GALNTL6: variants seen among roughly 807,000 people sequenced by gnomAD.
The protein encoded by GALNTL6 is polypeptide N-acetylgalactosaminyltransferase-like 6.
Under a neutral mutation model 73.7 loss-of-function variants are expected in GALNTL6, and 46 were observed. The observed-to-expected ratio is 0.62, with a 90% CI of 0.49 to 0.80. GALNTL6 has a LOEUF of 0.80. Among genes scored for constraint, GALNTL6 ranks in the 30% least tolerant of loss-of-function variants. GALNTL6 has a pLI of 0.00. For synonymous variants in GALNTL6, 259 were observed against 263.7 expected (o/e 0.98, Z 0.17); for missense variants, 604 against 755.0 (o/e 0.80, Z 2.34).
chr4:172,645,576 G>A (rs1217918449), intron 5 of GALNTL6, among the ~76,000 whole-genome samples: 1 of 151,400 alleles, frequency 6.6e-6, no homozygotes, highest in Non-Finnish European at 1.5e-5. Flanking sequence ...TTCCCTATAG[G>A]AGCAAAGAAA....
At chr4:172,986,517 T>C (rs547423285) in intron 10 of GALNTL6, among the ~76,000 whole-genome samples, 1 of 152,170 alleles carries the variant, frequency 6.6e-6, no homozygotes. Flanking sequence ...GAGATTTGGG[T>C]CAGGTTGTTA....
chr4:171,997,189 A>T (rs1372079586), intron 2 of GALNTL6, among the ~76,000 whole-genome samples: 1 of 152,116 alleles, frequency 6.6e-6, no homozygotes, highest in African/African-American at 2.4e-5. Context: ...AGAGTTTGCA[A>T]CCTGGTAGAG....
chr4:172,240,559 A>G (rs1243469002), intron 3 of GALNTL6, among the ~76,000 whole-genome samples: 1 of 151,912 alleles, frequency 6.6e-6, no homozygotes. Flanking sequence ...TTCATTTTTT[A>G]ATTTACTTTT....
chr4:172,227,209 A>G (rs909226266), intron 2 of GALNTL6, among the ~76,000 whole-genome samples: 3 of 152,152 alleles, frequency 2.0e-5, no homozygotes, highest in Non-Finnish European at 4.4e-5. Flanking sequence ...CTTCCAGTTG[A>G]TTTCAATTCT....
intron 5 of GALNTL6, among the ~76,000 whole-genome samples, chr4:172,685,729 A>G (rs917644995): frequency 6.6e-6 from 1 of 152,226 alleles, no homozygotes; most frequent in African/African-American, 2.4e-5. Context: ...AATTGAATAA[A>G]ACATTAATCA....
chr4:172,515,054 A>T (rs1734555520), intron 5 of GALNTL6, among the ~76,000 whole-genome samples: 1 of 152,214 alleles, frequency 6.6e-6, no homozygotes, highest in Non-Finnish European at 1.5e-5. Context: ...GCAAAAGTTC[A>T]CAGTGTAAGT....
chr4:172,049,513 A>G (rs1168715541), intron 2 of GALNTL6, among the ~76,000 whole-genome samples: 2 of 152,172 alleles, frequency 1.3e-5, no homozygotes, highest in Non-Finnish European at 2.9e-5. Context: ...TAGAAAATGT[A>G]GTTTATCAGT....
intron 5 of GALNTL6, among the ~76,000 whole-genome samples, chr4:172,760,936 G>A (rs1050767736): frequency 1.3e-5 from 2 of 152,108 alleles, no homozygotes; most frequent in African/African-American, 2.4e-5. Context: ...AGGAGCCAAT[G>A]GATTAAAAGG....
intron 5 of GALNTL6, among the ~76,000 whole-genome samples, chr4:172,637,351 CA>C (rs1279857230): frequency 1.3e-5 from 2 of 152,034 alleles, no homozygotes; most frequent in Non-Finnish European, 2.9e-5. Context: ...AATAATTGTA[CA>C]ATGCTTTAGA....
At chr4:172,916,591 T>C (rs1579650327) in intron 8 of GALNTL6, among the ~76,000 whole-genome samples, 1 of 152,304 alleles carries the variant, frequency 6.6e-6, no homozygotes, top group African/African-American at 2.4e-5. Flanking sequence ...CAAGCATTCC[T>C]ATACACCAAT....
chr4:172,847,716 C>A (rs1354943354), intron 7 of GALNTL6, among the ~76,000 whole-genome samples: 1 of 152,132 alleles, frequency 6.6e-6, no homozygotes, highest in Non-Finnish European at 1.5e-5. Context: ...TTCAGTCTAA[C>A]AAAGAAGATG....
chr4:171,986,532 A>T (rs937285123), intron 2 of GALNTL6, among the ~76,000 whole-genome samples: 7 of 152,040 alleles, frequency 4.6e-5, no homozygotes, highest in African/African-American at 1.7e-4. Context: ...GATGGTGAAA[A>T]TTTTAGGGGG....
intron 5 of GALNTL6, among the ~76,000 whole-genome samples, chr4:172,622,371 G>C (rs1218165027): frequency 1.3e-5 from 2 of 151,712 alleles, no homozygotes; most frequent in Non-Finnish European, 2.9e-5. Context: ...TAGAAACAAG[G>C]AACAGAAAAA....
intron 5 of GALNTL6, among the ~76,000 whole-genome samples, chr4:172,474,387 A>G (rs2111468802): frequency 6.6e-6 from 1 of 152,274 alleles, no homozygotes; most frequent in Admixed American, 6.5e-5. Context: ...TTATTTATTA[A>G]GTTCTAATTT....
At chr4:172,526,705 T>G (rs973398727) in intron 5 of GALNTL6, among the ~76,000 whole-genome samples, 2 of 152,184 alleles carry the variant, frequency 1.3e-5, no homozygotes, top group African/African-American at 4.8e-5. Context: ...TGTTATGTAA[T>G]GTTATTAATC....
intron 4 of GALNTL6, among the ~76,000 whole-genome samples, chr4:172,325,431 T>C (rs1030596192): frequency 6.6e-6 from 1 of 151,860 alleles, no homozygotes; most frequent in Non-Finnish European, 1.5e-5. Context: ...CTAGGCAGAG[T>C]TGTGGCCCCG....
intron 5 of GALNTL6, among the ~76,000 whole-genome samples, chr4:172,751,021 G>T (rs1170760352): frequency 6.6e-6 from 1 of 152,136 alleles, no homozygotes; most frequent in Non-Finnish European, 1.5e-5. Flanking sequence ...GTGGTGAGTT[G>T]TGATATCAGA....
intron 5 of GALNTL6, among the ~76,000 whole-genome samples, chr4:172,594,394 T>C (rs1737769445): frequency 6.6e-6 from 1 of 152,168 alleles, no homozygotes; most frequent in Non-Finnish European, 1.5e-5. Context: ...AATACCCATT[T>C]CTATATCTTT....
chr4:172,787,353 G>A (rs189186720), intron 5 of GALNTL6, among the ~76,000 whole-genome samples: 135 of 152,202 alleles, frequency 8.9e-4, no homozygotes, highest in Non-Finnish European at 1.5e-3. Flanking sequence ...CTTAATCAGG[G>A]GCACTTTTGC....
Sources: gnomAD v4.1 joint callset for allele counts (sites outside exome capture counted in the v4.1 genomes callset) on GRCh38, gnomAD v4.1.1 for gene constraint, MANE v1.5 for transcripts, NCBI Gene and HGNC (gene_info 2026-07-23, HGNC 2026-07-21) for gene names.